Variants in FKBP1B observed in about 807,000 individuals in gnomAD.
The protein encoded by FKBP1B is peptidyl-prolyl cis-trans isomerase FKBP1B.
Under a neutral mutation model 13.5 loss-of-function variants are expected in FKBP1B, and 4 were observed. That is an observed-to-expected ratio of 0.30 (90% confidence interval 0.15 to 0.68). FKBP1B has a LOEUF of 0.68. FKBP1B is among the 30% of genes least tolerant of loss of function. The probability of loss-of-function intolerance (pLI) is 0.76; values close to 1 mark genes in which losing one functional copy is unlikely to be tolerated. For synonymous variants in FKBP1B, 54 were observed against 53.6 expected, an observed-to-expected ratio of 1.01 and a Z score of -0.03; for missense variants, 93 against 136.2, an observed-to-expected ratio of 0.68 and a Z score of 1.58.
At chr2:24,034,380 A>G in the FKBP1B span, among the ~76,000 whole-genome samples, 15,648 of 152,232 alleles carry the variant, frequency 0.1, 923 homozygotes, top group Middle Eastern at 0.18. Context: ...AGATCGCGCC[A>G]CTGCACTCCG....
At chr2:24,041,095 T>A in the FKBP1B span, among the ~76,000 whole-genome samples, 1 of 152,190 alleles carries the variant, frequency 6.6e-6, no homozygotes, top group South Asian at 2.1e-4. Context: ...TCCCAGCACT[T>A]TGGGAGGCTG....
chr2:24,038,293 A>C, the FKBP1B span: 3 of 1,614,112 alleles, frequency 1.9e-6, no homozygotes, highest in Admixed American at 1.7e-5. Context: ...TCCTACCAAA[A>C]TTAGTAATAG....
chr2:24,039,438 T>G, the FKBP1B span: 2 of 1,614,254 alleles, frequency 1.2e-6, no homozygotes, highest in Non-Finnish European at 1.7e-6. Flanking sequence ...TCGGATGCAC[T>G]GCTTGATGCA....
chr2:24,049,822 C>A lies in FKBP1B; in HGVS notation c.-28C>A. 1 of 1,366,316 alleles carries A rather than the reference C, an allele frequency of 7.3e-7. No individual in the cohort carries two copies. Among genetic ancestry groups the A allele is most frequent in the Non-Finnish European group, 9.5e-7 (1 of 1,057,566 alleles). 84.6% of individuals were successfully genotyped at this position (1,366,316 alleles called of 1,614,324 possible). A position where few individuals can be genotyped will look rare whatever the true frequency, so the allele number is the denominator to read the frequency against. ...CCGGGGTCGGGCAGCAGCAGGGACCCCCCAGAGGCGGGGCCTGTGGGACCG... is the reference window on the plus strand; with the variant it reads ...CCGGGGTCGGGCAGCAGCAGGGACCACCCAGAGGCGGGGCCTGTGGGACCG... On this transcript the variant is annotated 5_prime_UTR_variant, in exon 1 of 4. Transcript: ENST00000380986.
In FKBP1B at chr2:24,053,914, C is replaced by G. The variant is rs774548594; in HGVS notation, c.50C>G (p.Pro17Arg). Residue 17 changes from proline (P) to arginine (R), a missense_variant, in exon 2 of 4, where the codon CCC (proline) becomes CGC (arginine). Pro to Arg is a moderately radical substitution (Grantham distance 103). Coordinates refer to ENST00000380986, the MANE Select transcript of FKBP1B (RefSeq NM_004116.5). ...TISPGDGRTF[P>R]KKGQTCVVHY... ...TGTCTCCCTGCAGGAAGGACATTCC[C>G]CAAGAAGGGCCAAACGTGTGTGGTG... The G allele has an allele frequency of 3.1e-6, 5 of 1,614,160 alleles. No individual in the cohort carries two copies. The South Asian group carries it at 5.5e-5, about 18-fold the overall frequency.
intron 3 of FKBP1B, among the ~76,000 whole-genome samples, chr2:24,061,356 C>T (rs971671511): frequency 4.6e-5 from 7 of 151,978 alleles, no homozygotes; most frequent in African/African-American, 7.2e-5. Context: ...TGGGAGGCTG[C>T]GACAGGAGAA....
the FKBP1B span, chr2:24,033,316 A>G: frequency 1.5e-5 from 5 of 330,764 alleles, no homozygotes; most frequent in East Asian, 2.4e-4. Flanking sequence ...GTTTATTAGG[A>G]AAAAAAATGC....
chr2:24,049,581 C>A (rs959676901), upstream of FKBP1B: 1 of 347,948 alleles, frequency 2.9e-6, no homozygotes, highest in Non-Finnish European at 5.2e-6. Flanking sequence ...GGGTTAATGT[C>A]GTCAGGCGGG....
intron 1 of FKBP1B, among the ~76,000 whole-genome samples, chr2:24,053,453 T>C (rs1221837036): frequency 6.6e-6 from 1 of 151,952 alleles, no homozygotes; most frequent in Non-Finnish European, 1.5e-5. Flanking sequence ...TGTAAATTAT[T>C]GTGTTTATTC....
the FKBP1B span, chr2:24,038,186 G>A: frequency 1.7e-5 from 27 of 1,614,044 alleles, no homozygotes; most frequent in Admixed American, 2.3e-4. Context: ...GTTATTGAAG[G>A]TTCTTCTTCC....
intron 1 of FKBP1B, 33 bp downstream of exon 1, chr2:24,049,919 A>C (rs1663774839): frequency 5.8e-6 from 8 of 1,370,898 alleles, no homozygotes; most frequent in Non-Finnish European, 5.7e-6. Context: ...AGGGGAGGGG[A>C]GGGGTCCCGG....
chr2:24,038,430 T>C, the FKBP1B span: 1 of 1,614,164 alleles, frequency 6.2e-7, no homozygotes, highest in East Asian at 2.2e-5. Context: ...TGGAAGCCAC[T>C]GCCACTACGT....
At chr2:24,042,591 C>A in the FKBP1B span, among the ~76,000 whole-genome samples, 3 of 149,078 alleles carry the variant, frequency 2.0e-5, no homozygotes, top group Admixed American at 1.3e-4. Context: ...TGCCTGTAAT[C>A]CCAGCTACTC....
chr2:24,050,742 G>C lies in FKBP1B; in HGVS notation c.37+856G>C, dbSNP rs925902864. ...AAAGCCCCCATTGTCTGCAGGGTTT[G>C]ATGGGCAAACTTCATATCAGATATT... On this transcript the variant is annotated intron_variant, in intron 1 of 3. Transcript: ENST00000380986. This position sits in a 1 kb window ranked among gnomAD's most constrained non-coding sequence, Gnocchi z 5.8. Among the ~76,000 whole-genome samples, 27 of 152,178 alleles carry C rather than the reference G, an allele frequency of 1.8e-4. No homozygotes were observed. The highest frequency in any genetic ancestry group is 1.2e-3 in the Admixed American group (18 of 15,278).
chr2:24,063,467 C>T lies in FKBP1B; in HGVS notation c.*275C>T. The T allele has an allele frequency of 5.4e-6, 2 of 369,224 alleles. No homozygotes were observed. Among genetic ancestry groups the T allele is most frequent in the South Asian group, 7.2e-5 (1 of 13,856 alleles). 22.9% of individuals were successfully genotyped at this position (369,224 alleles called of 1,614,324 possible). On this transcript the variant is annotated 3_prime_UTR_variant, in exon 4 of 4. Transcript: ENST00000380986. ...AGTAGCCTTTCCTGATGACAGAACACAGATCTCTTGTTCGCACAATCTACA... is the reference window on the plus strand; with the variant it reads ...AGTAGCCTTTCCTGATGACAGAACATAGATCTCTTGTTCGCACAATCTACA...
At chr2:24,062,606 G>A (rs1490704429) in intron 3 of FKBP1B, among the ~76,000 whole-genome samples, 2 of 152,144 alleles carry the variant, frequency 1.3e-5, no homozygotes, top group Non-Finnish European at 2.9e-5. Context: ...GAGCCACCAC[G>A]GTTGGCCACA....
intron 2 of FKBP1B, among the ~76,000 whole-genome samples, chr2:24,058,068 A>G (rs561436061): frequency 7.9e-4 from 120 of 152,054 alleles, no homozygotes; most frequent in African/African-American, 2.8e-3. Context: ...ATGGTGGTGC[A>G]TGCCTGTAAT....
chr2:24,063,385 G>T lies in FKBP1B; in HGVS notation c.*193G>T. ...AGTGTTCATGCGAATTCTTGCTTGA[G>T]GAAACTTCGGTTGCAGATTGAAGCA... is the stretch of plus-strand genomic sequence containing the variant. On this transcript the variant is annotated 3_prime_UTR_variant, in exon 4 of 4. Coordinates refer to ENST00000380986, the MANE Select transcript of FKBP1B (RefSeq NM_004116.5). 1 of 534,254 alleles carries T rather than the reference G, an allele frequency of 1.9e-6. No homozygotes were observed. Among genetic ancestry groups the T allele is most frequent in the South Asian group, 3.5e-5 (1 of 28,614 alleles). 33.1% of individuals were successfully genotyped at this position (534,254 alleles called of 1,614,324 possible).
chr2:24,049,848 C>A lies in FKBP1B; in HGVS notation c.-2C>A, dbSNP rs954897766. ...CCCAGAGGCGGGGCCTGTGGGACCGCTATGGGCGTGGAGATCGAGACCATC... is the reference window on the plus strand; with the variant it reads ...CCCAGAGGCGGGGCCTGTGGGACCGATATGGGCGTGGAGATCGAGACCATC... On this transcript the variant is annotated 5_prime_UTR_variant, in exon 1 of 4. Transcript: ENST00000380986. 4 of 1,427,536 alleles carry A rather than the reference C, an allele frequency of 2.8e-6. No individual in the cohort carries two copies. Among genetic ancestry groups the A allele is most frequent in the Non-Finnish European group, 3.7e-6 (4 of 1,088,590 alleles). 88.4% of individuals were successfully genotyped at this position (1,427,536 alleles called of 1,614,324 possible).
Sources: gnomAD v4.1 joint callset for allele counts (sites outside exome capture counted in the v4.1 genomes callset) on GRCh38, gnomAD v4.1.1 for gene constraint, Gnocchi (gnomAD v3.1) non-coding constraint, MANE v1.5 for transcripts, NCBI Gene and HGNC (gene_info 2026-07-23, HGNC 2026-07-21) for gene names.